The following PPFIA1 variants were observed in gnomAD, a reference collection of about 807,000 sequenced individuals.
The protein encoded by PPFIA1 is PPFI scaffold protein A1, also known as liprin-alpha-1.
In PPFIA1, 25 loss-of-function variants were observed where a neutral mutation model predicts 149.9. The observed-to-expected ratio is 0.17, with a 90% CI of 0.12 to 0.23. PPFIA1 has a LOEUF of 0.23. PPFIA1 is among the 10% of genes least tolerant of loss of function. PPFIA1 has a pLI of 1.00. For missense variants in PPFIA1, 1,362 were observed against 1,506.5 expected, an observed-to-expected ratio of 0.90 and a Z score of 1.59; for synonymous variants, 549 against 552.8, an observed-to-expected ratio of 0.99 and a Z score of 0.10.
At chr11:70,296,149 C>T (rs985432788) in intron 2 of PPFIA1, among the ~76,000 whole-genome samples, 2 of 151,608 alleles carry the variant, frequency 1.3e-5, no homozygotes, top group Non-Finnish European at 2.9e-5. Flanking sequence ...GTGCTCCTCA[C>T]TTCCTAGATG....
At position 70,384,396 on chromosome 11, in the gene PPFIA1, A is replaced by G. The variant is rs1476735012; in HGVS notation, c.*1406A>G. 2 of 152,696 alleles carry G rather than the reference A, an allele frequency of 1.3e-5. No individual in the cohort carries two copies. Among genetic ancestry groups the G allele is most frequent in the African/African-American group, 4.8e-5 (2 of 41,474 alleles). 9.5% of individuals were successfully genotyped at this position (152,696 alleles called of 1,614,324 possible). A position where few individuals can be genotyped will look rare whatever the true frequency, so the allele number is the denominator to read the frequency against. On this transcript the variant is annotated 3_prime_UTR_variant, in exon 28 of 28. Coordinates refer to ENST00000253925, the MANE Select transcript of PPFIA1 (RefSeq NM_003626.5). ...AGTACTGAAGCATTTTCCACTGCCAATGAAGAATACTGAGAATAAGCTCTA... is the reference window on the plus strand; with the variant it reads ...AGTACTGAAGCATTTTCCACTGCCAGTGAAGAATACTGAGAATAAGCTCTA...
At chr11:70,379,634 A>G (rs2135473213) in intron 26 of PPFIA1, among the ~76,000 whole-genome samples, 1 of 145,248 alleles carries the variant, frequency 6.9e-6, no homozygotes, top group African/African-American at 2.6e-5. Context: ...ATAATAATTG[A>G]AAACTGTGCG....
At chr11:70,357,587 ATT>A (rs879479086) in intron 19 of PPFIA1, among the ~76,000 whole-genome samples, 54 of 142,398 alleles carry the variant, frequency 3.8e-4, no homozygotes, top group Admixed American at 4.9e-4. Context: ...CTGTGTAAGA[ATT>A]TTTTTTTTTT....
At chr11:70,298,435 A>G (rs2052240038) in intron 2 of PPFIA1, among the ~76,000 whole-genome samples, 1 of 152,244 alleles carries the variant, frequency 6.6e-6, no homozygotes, top group Non-Finnish European at 1.5e-5. Context: ...GCTTAAAAGC[A>G]CATTCCTGTA....
At chr11:70,285,549 G>A (rs888007918) in intron 2 of PPFIA1, among the ~76,000 whole-genome samples, 29 of 151,888 alleles carry the variant, frequency 1.9e-4, no homozygotes, top group Admixed American at 1.5e-3. Context: ...GCGTGGTGGT[G>A]CGCAGCTGTA....
chr11:70,324,764 T>G (rs2054164749), intron 3 of PPFIA1, 83 bp from the exon 4 acceptor site: 1 of 1,293,848 alleles, frequency 7.7e-7, no homozygotes, highest in Non-Finnish European at 1.1e-6. Context: ...AGTATGAGAC[T>G]GTAAAGGAGT....
intron 12 of PPFIA1, among the ~76,000 whole-genome samples, chr11:70,337,640 G>A (rs2055066129): frequency 1.3e-5 from 2 of 152,148 alleles, no homozygotes. Context: ...TCAGAATTCG[G>A]AGTCCTTTCT....
rs1034774100 is a variant in PPFIA1 at position 70,377,881 on chromosome 11, A to G, written c.3385-149A>G. 31 of 678,534 alleles carry G rather than the reference A, an allele frequency of 4.6e-5. No individual in the cohort carries two copies. The South Asian group carries it at 5.1e-4, about 11-fold the overall frequency. 42.0% of individuals were successfully genotyped at this position (678,534 alleles called of 1,614,324 possible). On this transcript the variant is annotated intron_variant, in intron 25 of 27. Coordinates refer to ENST00000253925, the MANE Select transcript of PPFIA1 (RefSeq NM_003626.5). ...TCACGCTGAAGTTCCAGGTTGGGCAATATATTGTGTGGTCATCAAGAAGGG... is the reference window on the plus strand; with the variant it reads ...TCACGCTGAAGTTCCAGGTTGGGCAGTATATTGTGTGGTCATCAAGAAGGG...
intron 19 of PPFIA1, among the ~76,000 whole-genome samples, chr11:70,359,861 CA>C (rs953546138): frequency 1.3e-5 from 2 of 152,238 alleles, no homozygotes; most frequent in African/African-American, 2.4e-5. Context: ...ATGAACGGCC[CA>C]GAGGGCCAGG....
chr11:70,277,060 A>ATTTTTTT (rs1555076271), intron 2 of PPFIA1, among the ~76,000 whole-genome samples: 12 of 66,302 alleles, frequency 1.8e-4, no homozygotes, highest in African/African-American at 1.2e-3. Flanking sequence ...ATATATATAT[A>ATTTTTTT]TTTTTTTTTT....
At chr11:70,334,212 C>G (rs2054835686) in intron 10 of PPFIA1, 1 of 152,412 alleles carries the variant, frequency 6.6e-6, no homozygotes, top group Non-Finnish European at 1.5e-5. Context: ...CCAGCTGGTA[C>G]CAGGCCTGGG....
At chr11:70,274,935 A>G (rs1316053616) in intron 2 of PPFIA1, among the ~76,000 whole-genome samples, 1 of 152,024 alleles carries the variant, frequency 6.6e-6, no homozygotes, top group Non-Finnish European at 1.5e-5. Flanking sequence ...CCCAGGCCGG[A>G]GGATATGTGT....
chr11:70,314,234 G>A (rs935553621), intron 2 of PPFIA1, among the ~76,000 whole-genome samples: 10 of 152,180 alleles, frequency 6.6e-5, no homozygotes. Flanking sequence ...AGTAGATGAG[G>A]ACTGGAGCTG....
intron 19 of PPFIA1, among the ~76,000 whole-genome samples, chr11:70,356,464 G>A (rs1156798038): frequency 1.3e-5 from 2 of 152,166 alleles, no homozygotes; most frequent in African/African-American, 4.8e-5. Context: ...TATCATCTTG[G>A]AAAGCTGTCC....
chr11:70,355,662 C>G lies in PPFIA1; in HGVS notation c.2339C>G (p.Pro780Arg). ...AGCTCCACAGGCTCCCAGGATGGTC[C>G]CGTGAGCAACCCCAGCAGTAGCAAC... Reference protein sequence around the residue: ...IRNSTGSQDGPVSNPSSSNSS... With the variant: ...IRNSTGSQDGRVSNPSSSNSS... Residue 780 changes from proline (P) to arginine (R), a missense_variant, in exon 18 of 28, where the codon CCC becomes CGC. Transcript: ENST00000253925. The G allele has an allele frequency of 6.2e-7, 1 of 1,611,458 alleles. No individual in the cohort carries two copies. Among genetic ancestry groups the G allele is most frequent in the Non-Finnish European group, 8.5e-7 (1 of 1,179,090 alleles).
At chr11:70,373,068 G>C (rs191791348) in intron 23 of PPFIA1, among the ~76,000 whole-genome samples, 76 of 152,312 alleles carry the variant, frequency 5.0e-4, no homozygotes, top group Middle Eastern at 3.4e-3. Flanking sequence ...AGGAGGAGCT[G>C]CTTAGGGTAA....
intron 26 of PPFIA1, among the ~76,000 whole-genome samples, chr11:70,378,963 C>T (rs1426416948): frequency 6.6e-6 from 1 of 152,228 alleles, no homozygotes; most frequent in Non-Finnish European, 1.5e-5. Flanking sequence ...TTGACTCCAG[C>T]TCTGCCACTA....
intron 2 of PPFIA1, among the ~76,000 whole-genome samples, chr11:70,309,730 G>A (rs1231547037): frequency 1.3e-5 from 2 of 152,262 alleles, no homozygotes; most frequent in East Asian, 1.9e-4. Flanking sequence ...ACTATGCCAA[G>A]TGAAAGAAGC....
At chr11:70,356,374 T>C (rs2056362812) in intron 19 of PPFIA1, 120 bp downstream of exon 19, 5 of 752,910 alleles carry the variant, frequency 6.6e-6, no homozygotes, top group Non-Finnish European at 1.1e-5. Flanking sequence ...CTGAAAGCTT[T>C]ACCTACAGCC....
Sources: allele counts gnomAD v4.1 joint callset (sites outside exome capture counted in the v4.1 genomes callset), GRCh38; gene constraint gnomAD v4.1.1; transcripts MANE v1.5; gene names NCBI Gene and HGNC (gene_info 2026-07-23, HGNC 2026-07-21).